CDH20: variants seen among roughly 807,000 people sequenced by gnomAD.
The protein encoded by CDH20 is cadherin-20.
A neutral mutation model predicts 74.2 loss-of-function variants in CDH20; 29 were observed. That is an observed-to-expected ratio of 0.39 (90% confidence interval 0.29 to 0.53). The LOEUF is 0.53. Among genes scored for constraint, CDH20 ranks in the 20% least tolerant of loss-of-function variants. The pLI is 0.69. For missense variants in CDH20, 988 were observed against 1,048.3 expected, an observed-to-expected ratio of 0.94 and a Z score of 0.79; for synonymous variants, 469 against 405.4, an observed-to-expected ratio of 1.16 and a Z score of -1.88.
intron 7 of CDH20, among the ~76,000 whole-genome samples, chr18:61,529,237 G>A (rs1010453478): frequency 1.3e-5 from 2 of 152,156 alleles, no homozygotes; most frequent in Non-Finnish European, 2.9e-5. Flanking sequence ...AATGAATCTG[G>A]GGCTTTAGTG....
intron 1 of CDH20, among the ~76,000 whole-genome samples, chr18:61,347,119 G>A (rs556905886): frequency 2.0e-5 from 3 of 151,394 alleles, no homozygotes; most frequent in Admixed American, 6.6e-5. Flanking sequence ...AGGGTTAACC[G>A]AGGAAGTTTT....
chr18:61,511,138 C>A (rs1406664660), intron 6 of CDH20, among the ~76,000 whole-genome samples: 1 of 139,450 alleles, frequency 7.2e-6, no homozygotes, highest in Non-Finnish European at 1.5e-5. Flanking sequence ...AGGCATGTGC[C>A]ATCACAGCCA....
intron 1 of CDH20, among the ~76,000 whole-genome samples, chr18:61,341,425 C>T (rs1005074254): frequency 2.0e-5 from 3 of 151,476 alleles, no homozygotes; most frequent in African/African-American, 4.9e-5. Flanking sequence ...GCCTTGAGCC[C>T]CCCCCCCGCC....
At chr18:61,508,572 A>C (rs989562291) in intron 6 of CDH20, among the ~76,000 whole-genome samples, 41 of 152,180 alleles carry the variant, frequency 2.7e-4, no homozygotes, top group Non-Finnish European at 5.1e-4. Flanking sequence ...ACACAGCCAT[A>C]AAAAGGAATG....
intron 1 of CDH20, among the ~76,000 whole-genome samples, chr18:61,370,440 T>C (rs549038621): frequency 1.3e-5 from 2 of 152,258 alleles, no homozygotes; most frequent in African/African-American, 4.8e-5. Flanking sequence ...GTTTTCATAA[T>C]TGATATTTTA....
chr18:61,555,052 T>G lies in CDH20; in HGVS notation c.*357T>G. On this transcript the variant is annotated 3_prime_UTR_variant, in exon 12 of 12. Coordinates refer to ENST00000262717, the MANE Select transcript of CDH20 (RefSeq NM_031891.4). ...ACCACAGAAAGGCTCTGGCCTTGGA[T>G]ACAGAGATGCCAATTGAAAGCAGAA... The G allele has an allele frequency of 4.6e-6, 5 of 1,096,346 alleles. No individual in the cohort carries two copies. The highest frequency in any genetic ancestry group is 5.6e-6 in the Non-Finnish European group (5 of 899,936). 67.9% of individuals were successfully genotyped at this position (1,096,346 alleles called of 1,614,324 possible).
chr18:61,499,513 G>T (rs766771962), intron 3 of CDH20, 33 bp downstream of exon 3: 2 of 1,506,410 alleles, frequency 1.3e-6, no homozygotes, highest in South Asian at 2.5e-5. Flanking sequence ...TTCACAAATA[G>T]CACCTCCTAT....
chr18:61,368,189 A>G (rs1156787728), intron 1 of CDH20, among the ~76,000 whole-genome samples: 2 of 151,988 alleles, frequency 1.3e-5, no homozygotes, highest in Non-Finnish European at 2.9e-5. Context: ...CTGATTAACA[A>G]CCTTGACTCC....
intron 1 of CDH20, among the ~76,000 whole-genome samples, chr18:61,462,504 C>G (rs1909816141): frequency 2.0e-5 from 3 of 152,050 alleles, no homozygotes. Flanking sequence ...TTCAACATAT[C>G]TTCTAGGAGG....
intron 6 of CDH20, among the ~76,000 whole-genome samples, chr18:61,517,823 T>G (rs576759035): frequency 6.6e-6 from 1 of 152,198 alleles, no homozygotes; most frequent in South Asian, 2.1e-4. Flanking sequence ...GTGGTCTAGC[T>G]CAGTGGATCC....
chr18:61,517,290 T>C (rs946901972), intron 6 of CDH20, among the ~76,000 whole-genome samples: 3 of 152,162 alleles, frequency 2.0e-5, no homozygotes, highest in African/African-American at 7.2e-5. Flanking sequence ...AGGACACTGT[T>C]GTGGCAAGAT....
At chr18:61,427,991 A>G (rs771215895) in intron 1 of CDH20, among the ~76,000 whole-genome samples, 6 of 152,250 alleles carry the variant, frequency 3.9e-5, no homozygotes, top group Non-Finnish European at 8.8e-5. Flanking sequence ...TGTTAAAGAT[A>G]GAAGGATAAA....
Position 61,371,918 on chromosome 18 carries a change from G to A in CDH20, c.-153+38091G>A, listed in dbSNP as rs141130892. On this transcript the variant is annotated intron_variant, in intron 1 of 11. Coordinates refer to ENST00000262717, the MANE Select transcript of CDH20 (RefSeq NM_031891.4). ...GATTACTCAGAAATGTACTAACTTCGAAAACAATATTTTAAATGCAGTCAT... is the reference window on the plus strand; with the variant it reads ...GATTACTCAGAAATGTACTAACTTCAAAAACAATATTTTAAATGCAGTCAT... Among the ~76,000 whole-genome samples the A allele has an allele frequency of 4.4e-3, 667 of 152,130 alleles. 7 individuals are homozygous for A. The highest frequency in any genetic ancestry group is 0.014 in the African/African-American group (601 of 41,508).
chr18:61,496,442 C>T (rs1194776608), intron 2 of CDH20, among the ~76,000 whole-genome samples: 1 of 151,404 alleles, frequency 6.6e-6, no homozygotes, highest in Non-Finnish European at 1.5e-5. Context: ...TCCCCCAGAC[C>T]CTTCTTCCAA....
At chr18:61,468,780 G>T (rs930173599) in intron 1 of CDH20, among the ~76,000 whole-genome samples, 1 of 152,154 alleles carries the variant, frequency 6.6e-6, no homozygotes, top group African/African-American at 2.4e-5. Flanking sequence ...ATGGATTGTG[G>T]GTGATGCTAA....
At chr18:61,493,671 G>A (rs1013661631) in intron 2 of CDH20, among the ~76,000 whole-genome samples, 3 of 152,176 alleles carry the variant, frequency 2.0e-5, no homozygotes, top group Non-Finnish European at 4.4e-5. Context: ...ATTCCTCAAA[G>A]TTTTAGCTTA....
At position 61,502,947 on chromosome 18, in the gene CDH20, CT is replaced by C; in HGVS notation, c.662-5del. 1 of 1,594,348 alleles carries C rather than the reference CT, an allele frequency of 6.3e-7. No homozygotes were observed. The highest frequency in any genetic ancestry group is 8.5e-7 in the Non-Finnish European group (1 of 1,172,584). ...TTTTATAAACAAAGTCATTTCTATC[CT>C]CCAGGTGTAATTAGGACAGCGCTCA... On this transcript the variant is annotated splice_polypyrimidine_tract_variant and splice_region_variant and intron_variant, in intron 4 of 11. Transcript: ENST00000262717.
At chr18:61,401,741 T>A (rs1160341589) in intron 1 of CDH20, among the ~76,000 whole-genome samples, 2 of 152,228 alleles carry the variant, frequency 1.3e-5, no homozygotes, top group Non-Finnish European at 2.9e-5. Context: ...ATTAATAAAT[T>A]AAAACACAGC....
intron 1 of CDH20, among the ~76,000 whole-genome samples, chr18:61,407,835 A>G (rs2144240758): frequency 6.6e-6 from 1 of 152,334 alleles, no homozygotes; most frequent in East Asian, 1.9e-4. Flanking sequence ...GAAGGACACT[A>G]AAGAGACATG....
Sources: gnomAD v4.1 joint callset for allele counts (sites outside exome capture counted in the v4.1 genomes callset) on GRCh38, gnomAD v4.1.1 for gene constraint, MANE v1.5 for transcripts, NCBI Gene and HGNC (gene_info 2026-07-23, HGNC 2026-07-21) for gene names.